Variants in PRDM15 observed in about 807,000 individuals in gnomAD.
The protein encoded by PRDM15 is PR/SET domain 15, also known as PR domain zinc finger protein 15.
A neutral mutation model predicts 128.6 loss-of-function variants in PRDM15; 64 were observed. The observed-to-expected ratio is 0.50, with a 90% CI of 0.41 to 0.61. The LOEUF (loss-of-function observed/expected upper bound fraction) is 0.61, where lower values mean the gene tolerates loss of function less well. Among genes scored for constraint, PRDM15 ranks in the 20% least tolerant of loss-of-function variants. The pLI is 0.00. For synonymous variants in PRDM15, 615 were observed against 621.8 expected (o/e 0.99, Z 0.16); for missense variants, 1,242 against 1,569.1 (o/e 0.79, Z 3.52).
rs2063486209 is a variant in PRDM15 at position 41,853,381 on chromosome 21, A to G, written c.538+1185T>C. ...AGGAAACAATGCTCGTATGAGAATC[A>G]GGTCATTTGGGAGGGGGGTCAGGAG... On this transcript the variant is annotated intron_variant, in intron 5 of 23. Coordinates refer to ENST00000398548, the MANE Select transcript of PRDM15 (RefSeq NM_001040424.3). Among the ~76,000 whole-genome samples, 3 of 152,222 alleles carry G rather than the reference A, an allele frequency of 2.0e-5. No homozygotes were observed. In the South Asian group the frequency reaches 6.2e-4, roughly 32 times the overall value.
chr21:41,852,342 G>A (rs2063454855), intron 5 of PRDM15, among the ~76,000 whole-genome samples: 1 of 152,224 alleles, frequency 6.6e-6, no homozygotes, highest in Non-Finnish European at 1.5e-5. Flanking sequence ...CAGCTGCCTA[G>A]GCCTTCAGGA....
chr21:41,865,806 C>A (rs1052492200), intron 1 of PRDM15, among the ~76,000 whole-genome samples: 13 of 152,144 alleles, frequency 8.5e-5, no homozygotes, highest in Non-Finnish European at 1.5e-4. Flanking sequence ...GTATAATGGT[C>A]CCATCACAGC....
intron 1 of PRDM15, chr21:41,867,410 T>G: frequency 6.8e-7 from 1 of 1,476,190 alleles, no homozygotes; most frequent in Non-Finnish European, 9.5e-7. Context: ...AAGCTGAGGC[T>G]CTACACACTT....
In PRDM15 at chr21:41,801,234, C is replaced by A; in HGVS notation, c.*6G>T. On this transcript the variant is annotated 3_prime_UTR_variant, in exon 24 of 24. Coordinates refer to ENST00000398548, the MANE Select transcript of PRDM15 (RefSeq NM_001040424.3). ...AGTTCTTGCCCCGAGTCTCCCGGAA[C>A]GCAGCTCAGTAGCTGTACATCTGCT... is the stretch of plus-strand genomic sequence containing the variant. 1.3e-6 allele frequency: 2 copies of A among 1,514,120 alleles called. No homozygotes were observed. Among genetic ancestry groups the A allele is most frequent in the East Asian group, 2.3e-5 (1 of 44,080 alleles). The allele number at this position is 1,514,120 out of a possible 1,614,324, so 93.8% of individuals were successfully genotyped here. A position where few individuals can be genotyped will look rare whatever the true frequency, so the allele number is the denominator to read the frequency against.
intron 21 of PRDM15, among the ~76,000 whole-genome samples, chr21:41,805,988 T>TCACCACCACCACCACCACCACCACCAC (rs771551606): frequency 2.3e-5 from 1 of 42,870 alleles, no homozygotes; most frequent in Non-Finnish European, 4.6e-5. Context: ...ATCACCACTA[T>TCACCACCACCACCACCACCACCACCAC]CACCACCACC....
intron 1 of PRDM15, chr21:41,861,982 G>A (rs374418976): frequency 2.1e-5 from 34 of 1,613,106 alleles, no homozygotes; most frequent in South Asian, 1.2e-4. Flanking sequence ...TTTCATAGCC[G>A]CATTCGGCCT....
intron 5 of PRDM15, 51 bp from the exon 6 acceptor site, chr21:41,847,242 T>C (rs1452276688): frequency 7.8e-7 from 1 of 1,279,564 alleles, no homozygotes; most frequent in African/African-American, 1.5e-5. Context: ...AGCTCATATG[T>C]CTCCATGAAT....
chr21:41,812,957 T>C (rs2061913453), intron 19 of PRDM15: 1 of 152,140 alleles, frequency 6.6e-6, no homozygotes, highest in Admixed American at 6.5e-5. Context: ...TAATTATGTA[T>C]GTGGTCCACA....
At chr21:41,820,366 C>A (rs1374135856) in intron 16 of PRDM15, among the ~76,000 whole-genome samples, 192 bp from the exon 17 acceptor site, 3 of 152,236 alleles carry the variant, frequency 2.0e-5, no homozygotes, top group African/African-American at 7.2e-5. Flanking sequence ...GAAGTCTTAA[C>A]CCCGGCACTT....
chr21:41,865,133 TCCCCAC>T, intron 1 of PRDM15, among the ~76,000 whole-genome samples: 2 of 108,918 alleles, frequency 1.8e-5, no homozygotes, highest in East Asian at 3.7e-4. Context: ...CACTCCTCAG[TCCCCAC>T]TCCCCACTCC....
chr21:41,879,196 G>T lies in PRDM15; in HGVS notation c.-10+74C>A. ...GCCCAGGGCGCGCCGGGGCTCGCGG[G>T]GGCAGCGGGTGCGGCCCGGGGCCGG... On this transcript the variant is annotated intron_variant, in intron 1 of 23. Coordinates refer to ENST00000398548, the MANE Select transcript of PRDM15 (RefSeq NM_001040424.3). This position sits in a 1 kb window ranked among gnomAD's most constrained non-coding sequence, Gnocchi z 5.1. 1.3e-6 allele frequency: 1 copy of T among 799,092 alleles called. No individual in the cohort carries two copies. Among genetic ancestry groups the T allele is most frequent in the South Asian group, 5.4e-5 (1 of 18,410 alleles). 49.5% of individuals were successfully genotyped at this position (799,092 alleles called of 1,614,324 possible).
chr21:41,867,322 C>T (rs1362704060), intron 1 of PRDM15: 1 of 1,613,852 alleles, frequency 6.2e-7, no homozygotes, highest in Admixed American at 1.7e-5. Context: ...CAATCTTCCC[C>T]AGGGCTGGGG....
intron 7 of PRDM15, 122 bp downstream of exon 7, chr21:41,839,501 T>C: frequency 2.7e-6 from 2 of 743,914 alleles, no homozygotes; most frequent in Admixed American, 4.6e-5. Flanking sequence ...GAGTCTACCT[T>C]CCACGAGGCC....
rs200742484 is a variant in PRDM15 at position 41,806,364 on chromosome 21, C to T, written c.2653-1750G>A. On this transcript the variant is annotated intron_variant, in intron 21 of 23. Transcript: ENST00000398548. ...ATCACCACCACCATCACCACCACCA[C>T]CATCACTACCACCATCACCACCACC... Among the ~76,000 whole-genome samples, 164 of 42,220 alleles carry T rather than the reference C, an allele frequency of 3.9e-3. 2 individuals are homozygous for T. Among genetic ancestry groups the T allele is most frequent in the South Asian group, 8.6e-3 (7 of 810 alleles). 27.7% of individuals were successfully genotyped at this position (42,220 alleles called of 152,430 possible). A position where few individuals can be genotyped will look rare whatever the true frequency, so the allele number is the denominator to read the frequency against.
rs1445746249 is a variant in PRDM15 at position 41,832,754 on chromosome 21, G to T, written c.1366+2683C>A. On this transcript the variant is annotated intron_variant, in intron 11 of 23. Transcript: ENST00000398548. The surrounding 1 kb of genome is among the most constrained non-coding windows in gnomAD (Gnocchi z 4.2). ...AGCACCCATGAGCACCCCCTCCTGG[G>T]CAGGTGGCTCCACTAGTCCTGCCGC... 6.6e-6 allele frequency among the ~76,000 whole-genome samples: 1 copy of T among 152,164 alleles called. No individual in the cohort carries two copies. The highest frequency in any genetic ancestry group is 1.9e-4 in the East Asian group (1 of 5,190).
intron 7 of PRDM15, among the ~76,000 whole-genome samples, chr21:41,838,270 T>C (rs773885798): frequency 7.9e-5 from 12 of 152,252 alleles, no homozygotes; most frequent in Non-Finnish European, 1.6e-4. Context: ...AAAATGTTTT[T>C]CTTAGCCTAA....
At chr21:41,808,760 G>A (rs1034050632) in intron 21 of PRDM15, among the ~76,000 whole-genome samples, 11 of 152,188 alleles carry the variant, frequency 7.2e-5, no homozygotes, top group Non-Finnish European at 1.2e-4. Context: ...GCTCTTTCAC[G>A]TACGTAATGA....
intron 4 of PRDM15, among the ~76,000 whole-genome samples, chr21:41,855,396 G>C (rs1245862430): frequency 1.3e-5 from 2 of 152,174 alleles, no homozygotes; most frequent in African/African-American, 4.8e-5. Context: ...ATATTTTGAA[G>C]TTCAAATCAA....
At chr21:41,835,751 C>T (rs189495658) in intron 10 of PRDM15, among the ~76,000 whole-genome samples, 1 of 151,686 alleles carries the variant, frequency 6.6e-6, no homozygotes, top group African/African-American at 2.4e-5. Flanking sequence ...ACCAAACACC[C>T]CCATTCTCCT....
Sources: allele counts gnomAD v4.1 joint callset (sites outside exome capture counted in the v4.1 genomes callset), GRCh38; gene constraint gnomAD v4.1.1; non-coding constraint Gnocchi (gnomAD v3.1); transcripts MANE v1.5; gene names NCBI Gene and HGNC (gene_info 2026-07-23, HGNC 2026-07-21).